The following HINFP variants were observed in gnomAD, a reference collection of about 807,000 sequenced individuals.
The protein encoded by HINFP is histone H4 transcription factor.
Under a neutral mutation model 50.1 loss-of-function variants are expected in HINFP, and 20 were observed. The ratio of observed to expected loss-of-function variants is 0.40; its 90% confidence interval spans 0.28 to 0.58. The LOEUF is 0.58. Among genes scored for constraint, HINFP ranks in the 20% least tolerant of loss-of-function variants. The pLI is 0.45. For synonymous variants in HINFP, 247 were observed against 243.7 expected (o/e 1.01, Z -0.13); for missense variants, 505 against 664.1 (o/e 0.76, Z 2.63).
chr11:119,132,955 G>A lies in HINFP; in HGVS notation c.967G>A (p.Ala323Thr). ...TGATTTTGAGAACTGCACCTTCAGT[G>A]CCCGATCCCTCTGCTCTATCAAGTC... Reference protein sequence around the residue: ...RCDFENCTFSARSLCSIKSHY... With the variant: ...RCDFENCTFSTRSLCSIKSHY... Residue 323 changes from alanine (A) to threonine (T), a missense_variant, in exon 8 of 10, where the codon GCC becomes ACC. By Grantham distance (58) the Ala-to-Thr change is moderately conservative. Transcript: ENST00000350777. 1 of 1,614,234 alleles carries A rather than the reference G, an allele frequency of 6.2e-7. No individual in the cohort carries two copies. The highest frequency in any genetic ancestry group is 8.5e-7 in the Non-Finnish European group (1 of 1,180,044).
chr11:119,133,192 A>G lies in HINFP; in HGVS notation c.1112A>G (p.Lys371Arg), dbSNP rs748073575. 51 of 1,614,090 alleles carry G rather than the reference A, an allele frequency of 3.2e-5. No individual in the cohort carries two copies. Among genetic ancestry groups the G allele is most frequent in the East Asian group, 4.5e-5 (2 of 44,902 alleles). Residue 371 changes from lysine to arginine, a missense_variant, in exon 9 of 10, where the codon AAG becomes AGG. Physicochemically the swap from Lys to Arg is conservative, Grantham distance 26. Transcript: ENST00000350777. ...CACCTTCGCAAGAAGCACCAGTTCA[A>G]GTGGCCCTCAGGGCATCCCCGTTTT... is the stretch of plus-strand genomic sequence containing the variant. ...TVHLRKKHQF[K>R]WPSGHPRFRY...
chr11:119,133,428 A>C (rs550259548), intron 9 of HINFP: 2 of 519,220 alleles, frequency 3.9e-6, no homozygotes, highest in African/African-American at 1.9e-5. Flanking sequence ...AAAATACAAA[A>C]AGTAGCTGAG....
At position 119,135,826 on chromosome 11, in the gene HINFP, A is replaced by T. The variant is rs1948022561; in HGVS notation, c.*1328A>T. On this transcript the variant is annotated 3_prime_UTR_variant, in exon 10 of 10. Coordinates refer to ENST00000350777, the MANE Select transcript of HINFP (RefSeq NM_198971.3). ...GGCGGATCACAAGGTCAAGAGATGG[A>T]GACCATCCTGGCCAACATGGTGAAA... 1 of 152,204 alleles carries T rather than the reference A, an allele frequency of 6.6e-6. No individual in the cohort carries two copies. Among genetic ancestry groups the T allele is most frequent in the Non-Finnish European group, 1.5e-5 (1 of 68,070 alleles). The allele number at this position is 152,204 out of a possible 1,614,324, so 9.4% of individuals were successfully genotyped here.
At position 119,134,919 on chromosome 11, in the gene HINFP, A is replaced by C. The variant is rs151001518; in HGVS notation, c.*421A>C. On this transcript the variant is annotated 3_prime_UTR_variant, in exon 10 of 10. Coordinates refer to ENST00000350777, the MANE Select transcript of HINFP (RefSeq NM_198971.3). The surrounding 1 kb of genome is among the most constrained non-coding windows in gnomAD (Gnocchi z 4.3). ...GTCACCAGCCAAGGCATTGATAACC[A>C]AGTAGCCATTTTCCTCTTAAGGTTT... 1.1e-4 allele frequency: 18 copies of C among 161,054 alleles called. No homozygotes were observed. The highest frequency in any genetic ancestry group is 6.5e-3 in the Middle Eastern group (2 of 310). 10.0% of individuals were successfully genotyped at this position (161,054 alleles called of 1,614,324 possible).
At position 119,131,234 on chromosome 11, in the gene HINFP, A is replaced by G. The variant is rs1006942668; in HGVS notation, c.411+280A>G. The G allele has an allele frequency of 3.3e-6, 2 of 611,784 alleles. No individual in the cohort carries two copies. The highest frequency in any genetic ancestry group is 3.2e-5 in the East Asian group (1 of 31,428). 37.9% of individuals were successfully genotyped at this position (611,784 alleles called of 1,614,324 possible). A position where few individuals can be genotyped will look rare whatever the true frequency, so the allele number is the denominator to read the frequency against. On this transcript the variant is annotated intron_variant, in intron 3 of 9. Coordinates refer to ENST00000350777, the MANE Select transcript of HINFP (RefSeq NM_198971.3). The surrounding 1 kb of genome is among the most constrained non-coding windows in gnomAD (Gnocchi z 4.2). The stretch of plus-strand genomic sequence containing the variant: ...CTCCCAAGTAGCTAGGACTACAGGC[A>G]TGTACCACCATGCCCTGCTAACTTC...
At position 119,130,505 on chromosome 11, in the gene HINFP, G is replaced by T. The variant is rs1459488225; in HGVS notation, c.182-220G>T. 3.8e-5 allele frequency: 21 copies of T among 546,538 alleles called. No individual in the cohort carries two copies. The South Asian group carries it at 4.7e-4, about 12-fold the overall frequency. 33.9% of individuals were successfully genotyped at this position (546,538 alleles called of 1,614,324 possible). A position where few individuals can be genotyped will look rare whatever the true frequency, so the allele number is the denominator to read the frequency against. On this transcript the variant is annotated intron_variant, in intron 2 of 9. Transcript: ENST00000350777. ...TCTCCCTGACTGAAAGCTATGTGAG[G>T]GCAAGGAGTGGGACACTTTTTACTT...
intron 2 of HINFP, among the ~76,000 whole-genome samples, chr11:119,129,490 C>CTTTTTTTTCTTTTTTTTTTTTTT (rs776476604): frequency 1.1e-4 from 14 of 124,190 alleles, no homozygotes; most frequent in African/African-American, 3.7e-4. Context: ...TTTTTCTTTT[C>CTTTTTTTTCTTTTTTTTTTTTTT]TTTTTTTTTT....
chr11:119,124,807 C>G (rs1947294727), intron 1 of HINFP: 1 of 151,786 alleles, frequency 6.6e-6, no homozygotes, highest in Non-Finnish European at 1.5e-5. Flanking sequence ...AACTCTGTCT[C>G]TAGCAAAAAT....
chr11:119,131,303 G>A lies in HINFP; in HGVS notation c.412-232G>A, dbSNP rs192980100. The A allele has an allele frequency of 5.8e-4, 331 of 575,642 alleles. No homozygotes were observed. Among genetic ancestry groups the A allele is most frequent in the African/African-American group, 5.0e-3 (270 of 53,718 alleles). The allele number at this position is 575,642 out of a possible 1,614,324, so 35.7% of individuals were successfully genotyped here. The stretch of plus-strand genomic sequence containing the variant: ...AAGGTCTGGGTGTGTTGCCCAGGCC[G>A]GTCTCGAACTCTTGGCCTCAAGTGA... On this transcript the variant is annotated intron_variant, in intron 3 of 9. Transcript: ENST00000350777. The surrounding 1 kb of genome is among the most constrained non-coding windows in gnomAD (Gnocchi z 4.2).
At chr11:119,123,021 C>T (rs769046960) in intron 1 of HINFP, among the ~76,000 whole-genome samples, 6 of 146,104 alleles carry the variant, frequency 4.1e-5, no homozygotes, top group Non-Finnish European at 5.9e-5. Context: ...TATAATACTT[C>T]GGAGGCTAAG....
chr11:119,129,203 G>A (rs1326042155), intron 2 of HINFP, among the ~76,000 whole-genome samples: 2 of 151,884 alleles, frequency 1.3e-5, no homozygotes, highest in Non-Finnish European at 2.9e-5. Flanking sequence ...ACCACGCCCG[G>A]GTAATTTTTG....
chr11:119,130,691 T>C (rs1947701881), intron 2 of HINFP, 34 bp from the exon 3 acceptor site: 1 of 1,587,376 alleles, frequency 6.3e-7, no homozygotes, highest in South Asian at 1.1e-5. Context: ...CCTTGGAAAG[T>C]GTCAGACTCT....
chr11:119,130,860 A>G lies in HINFP; in HGVS notation c.317A>G (p.Gln106Arg). 6.2e-7 allele frequency: 1 copy of G among 1,614,218 alleles called. No homozygotes were observed. The highest frequency in any genetic ancestry group is 8.5e-7 in the Non-Finnish European group (1 of 1,180,046). ...TGGGGGCTGCAGGCCTTGCAAAGCC[A>G]GGCTGACCTTGGCCCCTGCATCCTG... The part of the protein sequence containing the change: ...KQWGLQALQS[Q>R]ADLGPCILDF... The change falls in exon 3 of 10, where the codon CAG becomes CGG. Residue 106 changes from glutamine (Q) to arginine (R), a missense_variant. Transcript: ENST00000350777.
chr11:119,132,776 C>T lies in HINFP; in HGVS notation c.870C>T (p.Asp290=). 6.2e-7 allele frequency: 1 copy of T among 1,613,640 alleles called. No homozygotes were observed. The highest frequency in any genetic ancestry group is 2.2e-5 in the East Asian group (1 of 44,886). ...GGCCCTTTAAATGTGACTGTTGTGA[C>T]TACAGGTAAGGGGGACCAGGGACCA... is the stretch of plus-strand genomic sequence containing the variant. ...EDRPFKCDCC[D]YSCKNLIDLQ... is the part of the protein sequence containing the mutation. Residue 290 remains aspartate, a synonymous_variant, in exon 7 of 10, where the codon GAC becomes GAT. Transcript: ENST00000350777.
At position 119,131,248 on chromosome 11, in the gene HINFP, C is replaced by G. The variant is rs1472462157; in HGVS notation, c.412-287C>G. ...GGACTACAGGCATGTACCACCATGC[C>G]CTGCTAACTTCTAAATTTTTTGTAG... On this transcript the variant is annotated intron_variant, in intron 3 of 9. Coordinates refer to ENST00000350777, the MANE Select transcript of HINFP (RefSeq NM_198971.3). This position sits in a 1 kb window ranked among gnomAD's most constrained non-coding sequence, Gnocchi z 4.2. 1.7e-6 allele frequency: 1 copy of G among 582,284 alleles called. No individual in the cohort carries two copies. Among genetic ancestry groups the G allele is most frequent in the East Asian group, 3.2e-5 (1 of 30,818 alleles). 36.1% of individuals were successfully genotyped at this position (582,284 alleles called of 1,614,324 possible).
chr11:119,133,966 G>A, intron 9 of HINFP, 118 bp from the exon 10 acceptor site: 1 of 1,398,376 alleles, frequency 7.2e-7, no homozygotes. Context: ...TTCAACTCCT[G>A]TCACTTGGAT....
chr11:119,134,546 C>A lies in HINFP; in HGVS notation c.*48C>A. 1 of 1,465,188 alleles carries A rather than the reference C, an allele frequency of 6.8e-7. No homozygotes were observed. Among genetic ancestry groups the A allele is most frequent in the Non-Finnish European group, 9.2e-7 (1 of 1,091,856 alleles). The allele number at this position is 1,465,188 out of a possible 1,614,324, so 90.8% of individuals were successfully genotyped here. On this transcript the variant is annotated 3_prime_UTR_variant, in exon 10 of 10. Transcript: ENST00000350777. The surrounding 1 kb of genome is among the most constrained non-coding windows in gnomAD (Gnocchi z 4.3). The stretch of plus-strand genomic sequence containing the variant: ...CTTCCCCAGGTCCTGAAGTTTGAGC[C>A]AGGCAAGTGGCAGTGCCCCTAGTGG...
Position 119,132,992 on chromosome 11 carries a change from A to C in HINFP, c.1004A>C (p.Lys335Thr). 1 of 1,614,222 alleles carries C rather than the reference A, an allele frequency of 6.2e-7. No individual in the cohort carries two copies. The highest frequency in any genetic ancestry group is 8.5e-7 in the Non-Finnish European group (1 of 1,180,042). Residue 335 changes from lysine to threonine, a missense_variant, in exon 8 of 10, where the codon AAA (lysine) becomes ACA (threonine). Lys to Thr is a moderately conservative substitution (Grantham distance 78). Transcript: ENST00000350777. Reference sequence around the variant, plus strand: ...TGCTCTATCAAGTCCCATTACCGCAAAGTACATGAAGTGAGTGGGGCTGGT... The same window carrying C: ...TGCTCTATCAAGTCCCATTACCGCACAGTACATGAAGTGAGTGGGGCTGGT... ...SLCSIKSHYRKVHEGDSEPRY... is the reference protein window; with the variant it reads ...SLCSIKSHYRTVHEGDSEPRY...
At chr11:119,123,388 C>T (rs906897190) in intron 1 of HINFP, among the ~76,000 whole-genome samples, 7 of 152,140 alleles carry the variant, frequency 4.6e-5, no homozygotes. Flanking sequence ...GTTTCCCTAC[C>T]TAGAACTGGA....
Sources: allele counts gnomAD v4.1 joint callset (sites outside exome capture counted in the v4.1 genomes callset), GRCh38; gene constraint gnomAD v4.1.1; non-coding constraint Gnocchi (gnomAD v3.1); transcripts MANE v1.5; gene names NCBI Gene and HGNC (gene_info 2026-07-23, HGNC 2026-07-21).